PARD3: variants seen among roughly 807,000 people sequenced by gnomAD.
PARD3 encodes partitioning defective 3 homolog.
A neutral mutation model predicts 155.4 loss-of-function variants in PARD3; 75 were observed. The ratio of observed to expected loss-of-function variants is 0.48; its 90% CI spans 0.40 to 0.58. The LOEUF (loss-of-function observed/expected upper bound fraction) is 0.58. Ranked by LOEUF, PARD3 falls within the 20% of genes least tolerant of loss-of-function variation. The pLI is 0.00. For synonymous variants in PARD3, 576 were observed against 610.5 expected (o/e 0.94, Z 0.83); for missense variants, 1,642 against 1,721.7 (o/e 0.95, Z 0.82).
intron 2 of PARD3, among the ~76,000 whole-genome samples, chr10:34,573,716 CAAACAAACAAACAAACAA>C (rs1396842765): frequency 3.2e-4 from 38 of 117,920 alleles, no homozygotes; most frequent in African/African-American, 1.5e-3. Context: ...CAAAAACAAA[CAAACAAACAAACAAACAA>C]AAACACACAC....
At chr10:34,197,142 C>T (rs1950984760) in intron 22 of PARD3, among the ~76,000 whole-genome samples, 1 of 152,114 alleles carries the variant, frequency 6.6e-6, no homozygotes, top group African/African-American at 2.4e-5. Context: ...TGTTCTCCTC[C>T]CGATTTAAAG....
intron 2 of PARD3, among the ~76,000 whole-genome samples, chr10:34,537,878 C>T (rs2083327667): frequency 6.6e-6 from 1 of 152,248 alleles, no homozygotes; most frequent in Non-Finnish European, 1.5e-5. Flanking sequence ...AAACAAACCA[C>T]TAATAAGCTG....
chr10:34,423,488 G>T (rs74390347), intron 5 of PARD3, among the ~76,000 whole-genome samples: 4 of 152,092 alleles, frequency 2.6e-5, no homozygotes, highest in Non-Finnish European at 4.4e-5. Flanking sequence ...CAAAATAAAC[G>T]AAGTACGTGA....
At chr10:34,420,225 T>C (rs991101841) in intron 5 of PARD3, among the ~76,000 whole-genome samples, 2 of 152,236 alleles carry the variant, frequency 1.3e-5, no homozygotes, top group Non-Finnish European at 2.9e-5. Context: ...AAATCATTGA[T>C]TTAGTCACTC....
intron 4 of PARD3, among the ~76,000 whole-genome samples, chr10:34,455,547 G>A (rs193201635): frequency 2.6e-5 from 4 of 151,138 alleles, no homozygotes; most frequent in African/African-American, 7.3e-5. Flanking sequence ...CTGGAGCCTC[G>A]GCAACAATTT....
intron 20 of PARD3, among the ~76,000 whole-genome samples, chr10:34,288,881 G>T (rs568693908): frequency 6.6e-6 from 1 of 152,290 alleles, no homozygotes; most frequent in East Asian, 1.9e-4. Context: ...GCAGGTGTCA[G>T]GCTGAAAGGT....
At chr10:34,622,020 G>A (rs1285890711) in intron 2 of PARD3, among the ~76,000 whole-genome samples, 1 of 152,124 alleles carries the variant, frequency 6.6e-6, no homozygotes, top group Non-Finnish European at 1.5e-5. Flanking sequence ...TTAAAATTCA[G>A]TAGAAGAACC....
intron 23 of PARD3, among the ~76,000 whole-genome samples, chr10:34,123,022 C>G (rs192818987): frequency 6.6e-6 from 1 of 152,188 alleles, no homozygotes; most frequent in Non-Finnish European, 1.5e-5. Context: ...GAAATACCTG[C>G]GCAGGCATAA....
chr10:34,699,518 T>C (rs1365993017), intron 1 of PARD3, among the ~76,000 whole-genome samples: 1 of 152,198 alleles, frequency 6.6e-6, no homozygotes, highest in Non-Finnish European at 1.5e-5. Flanking sequence ...ACTTGCTTTA[T>C]TTTCAAGGGA....
intron 19 of PARD3, among the ~76,000 whole-genome samples, chr10:34,330,189 G>A (rs909044315): frequency 1.3e-5 from 2 of 152,090 alleles, no homozygotes; most frequent in Non-Finnish European, 2.9e-5. Flanking sequence ...AGCAATATAA[G>A]ATAATCAACA....
chr10:34,774,360 A>G (rs938258778), intron 1 of PARD3, among the ~76,000 whole-genome samples: 2 of 152,212 alleles, frequency 1.3e-5, no homozygotes, highest in African/African-American at 4.8e-5. Flanking sequence ...AAAATTACTT[A>G]AATAGCACAC....
intron 2 of PARD3, among the ~76,000 whole-genome samples, chr10:34,689,222 A>C (rs1418302278): frequency 6.6e-6 from 1 of 152,192 alleles, no homozygotes; most frequent in Non-Finnish European, 1.5e-5. Context: ...AATAGTTGAA[A>C]ACACTCCAGA....
At chr10:34,701,990 A>AATTAGCCGGGCAT (rs1228730347) in intron 1 of PARD3, among the ~76,000 whole-genome samples, 1 of 151,974 alleles carries the variant, frequency 6.6e-6, no homozygotes, top group Admixed American at 6.6e-5. Context: ...TGGTGAAAGC[A>AATTAGCCGGGCAT]AGTCTCTACT....
intron 21 of PARD3, 97 bp from the exon 22 acceptor site, chr10:34,269,996 G>T: frequency 8.3e-7 from 1 of 1,206,904 alleles, no homozygotes. Context: ...AAATATATTT[G>T]ATTTCTTGCA....
chr10:34,384,367 G>T, intron 7 of PARD3, 113 bp from the exon 8 acceptor site: 1 of 1,005,682 alleles, frequency 9.9e-7, no homozygotes, highest in Non-Finnish European at 1.4e-6. Flanking sequence ...AAAGGAGCAT[G>T]TTAAAATGAC....
chr10:34,431,034 C>G (rs1395958848), intron 5 of PARD3, among the ~76,000 whole-genome samples: 1 of 152,200 alleles, frequency 6.6e-6, no homozygotes, highest in Non-Finnish European at 1.5e-5. Context: ...CTACCACACA[C>G]TTTCTTTTTT....
At chr10:34,221,469 G>T (rs1305011501) in intron 22 of PARD3, among the ~76,000 whole-genome samples, 1 of 151,048 alleles carries the variant, frequency 6.6e-6, no homozygotes, top group Non-Finnish European at 1.5e-5. Flanking sequence ...TGTATAGGTG[G>T]TGGAATGGCT....
chr10:34,724,959 T>A (rs1341927243), intron 1 of PARD3, among the ~76,000 whole-genome samples: 1 of 152,176 alleles, frequency 6.6e-6, no homozygotes, highest in Non-Finnish European at 1.5e-5. Context: ...GTACAAGCAA[T>A]GGAGCCTAGG....
At chr10:34,421,343 TAAATATA>T (rs1243660749) in intron 5 of PARD3, among the ~76,000 whole-genome samples, 2 of 149,598 alleles carry the variant, frequency 1.3e-5, no homozygotes, top group African/African-American at 4.9e-5. Flanking sequence ...ATATTTAAAG[TAAATATA>T]AAATATAAAA....
Sources: gnomAD v4.1 joint callset for allele counts (sites outside exome capture counted in the v4.1 genomes callset) on GRCh38, gnomAD v4.1.1 for gene constraint, MANE v1.5 for transcripts, NCBI Gene and HGNC (gene_info 2026-07-23, HGNC 2026-07-21) for gene names.